The following TRPC3 variants were observed in gnomAD, a reference collection of about 807,000 sequenced individuals.
TRPC3 encodes the protein short transient receptor potential channel 3.
In TRPC3, 54 loss-of-function variants were observed where a neutral mutation model predicts 90.9. The observed-to-expected ratio is 0.59, with a 90% CI of 0.48 to 0.75. TRPC3 has a LOEUF of 0.75. Ranked by LOEUF, TRPC3 falls within the 30% of genes least tolerant of loss-of-function variation. The probability of loss-of-function intolerance (pLI) is 0.00; values close to 1 mark genes in which losing one functional copy is unlikely to be tolerated. For synonymous variants in TRPC3, 424 were observed against 450.9 expected, an observed-to-expected ratio of 0.94 and a Z score of 0.75; for missense variants, 918 against 1,194.5, an observed-to-expected ratio of 0.77 and a Z score of 3.41.
rs370186160 is a variant in TRPC3, at chr4:121,890,948, G to A, written c.2548-8519C>T. ...GGAGATTGCAGTGAGCCGAGATCAC[G>A]CCACTGCACTCCAGCCTGGGTGACA... On this transcript the variant is annotated intron_variant, in intron 10 of 11. Coordinates refer to ENST00000379645, the MANE Select transcript of TRPC3 (RefSeq NM_001130698.2). 9.7e-4 allele frequency among the ~76,000 whole-genome samples: 148 copies of A among 152,012 alleles called. 4 individuals carry two copies. The South Asian group carries it at 0.028, about 29-fold the overall frequency.
At chr4:121,920,486 T>C (rs1729463670) in intron 3 of TRPC3, among the ~76,000 whole-genome samples, 1 of 151,860 alleles carries the variant, frequency 6.6e-6, no homozygotes, top group Non-Finnish European at 1.5e-5. Context: ...ATCTCGCCAC[T>C]GCACTCAAGC....
In TRPC3 at chr4:121,902,931, C is replaced by A. The variant is rs201449154; in HGVS notation, c.2384G>T (p.Arg795Leu). ...SPKSFVYFIMRIVNFPKCRRR... is the reference protein window; with the variant it reads ...SPKSFVYFIMLIVNFPKCRRR... ...TCTGCATTTGGGAAAGTTAACAATT[C>A]GCATGATGAAATAAACAAATGATTT... Residue 795 changes from arginine to leucine, a missense_variant, in exon 9 of 12, where the codon CGA becomes CTA. Arg to Leu is a moderately radical substitution (Grantham distance 102, BLOSUM62 -2). Transcript: ENST00000379645. 1.9e-6 allele frequency: 3 copies of A among 1,613,430 alleles called. No individual in the cohort carries two copies. The highest frequency in any genetic ancestry group is 1.7e-6 in the Non-Finnish European group (2 of 1,179,738).
chr4:121,929,562 A>G (rs1019543769), intron 2 of TRPC3, among the ~76,000 whole-genome samples: 5 of 152,192 alleles, frequency 3.3e-5, no homozygotes, highest in Admixed American at 2.6e-4. Flanking sequence ...TTCAAACAGC[A>G]TTTGCACATC....
chr4:121,945,753 CAG>C (rs759744333), intron 1 of TRPC3, among the ~76,000 whole-genome samples: 2 of 152,142 alleles, frequency 1.3e-5, no homozygotes, highest in Admixed American at 6.5e-5. Context: ...GATACAGAAA[CAG>C]AAATGCTCTA....
At chr4:121,938,332 A>T (rs569510758) in intron 1 of TRPC3, among the ~76,000 whole-genome samples, 1 of 152,228 alleles carries the variant, frequency 6.6e-6, no homozygotes, top group South Asian at 2.1e-4. Flanking sequence ...CAGGCTGATT[A>T]TTCAGGTTTA....
chr4:121,900,550 C>G (rs948173868), intron 9 of TRPC3, among the ~76,000 whole-genome samples: 2 of 152,162 alleles, frequency 1.3e-5, no homozygotes, highest in Non-Finnish European at 2.9e-5. Context: ...CCTTAGCTAA[C>G]AAAGTTAATT....
intron 11 of TRPC3, among the ~76,000 whole-genome samples, chr4:121,881,226 T>C (rs929935073): frequency 6.6e-6 from 1 of 152,206 alleles, no homozygotes; most frequent in African/African-American, 2.4e-5. Flanking sequence ...GATTTTAGTT[T>C]CCTCATTAAT....
At chr4:121,918,675 T>C (rs761590353) in intron 3 of TRPC3, among the ~76,000 whole-genome samples, 2 of 152,226 alleles carry the variant, frequency 1.3e-5, no homozygotes, top group Non-Finnish European at 2.9e-5. Context: ...CCTATGCTTC[T>C]AATTCTACTC....
intron 9 of TRPC3, among the ~76,000 whole-genome samples, chr4:121,901,111 C>T: frequency 6.6e-6 from 1 of 152,178 alleles, no homozygotes. Context: ...TCAGTGAGAC[C>T]TGTTGCCTAC....
chr4:121,948,204 T>G (rs543016140), intron 1 of TRPC3, among the ~76,000 whole-genome samples: 1 of 151,850 alleles, frequency 6.6e-6, no homozygotes, highest in Admixed American at 6.6e-5. Context: ...AAAAGAGAAC[T>G]ATCTGAAAAA....
chr4:121,934,146 T>C (rs1343599095), intron 1 of TRPC3, among the ~76,000 whole-genome samples: 2 of 152,226 alleles, frequency 1.3e-5, no homozygotes, highest in South Asian at 4.1e-4. Flanking sequence ...GTACAGTGAT[T>C]TGAGTTCACA....
rs562568705 is a variant in TRPC3, at chr4:121,898,560, C to T, written c.2547+1052G>A. On this transcript the variant is annotated intron_variant, in intron 10 of 11. Transcript: ENST00000379645. ...GTGAAAAAATTGTCTTCCACAAAACCGGTCCCTGGTGCCAAAAAGGTTGGG... is the reference window on the plus strand; with the variant it reads ...GTGAAAAAATTGTCTTCCACAAAACTGGTCCCTGGTGCCAAAAAGGTTGGG... 9.0e-4 allele frequency among the ~76,000 whole-genome samples: 137 copies of T among 152,260 alleles called. 2 individuals are homozygous for T. Among genetic ancestry groups the T allele is most frequent in the Non-Finnish European group, 5.3e-4 (36 of 68,014 alleles).
At position 121,907,283 on chromosome 4, in the gene TRPC3, T is replaced by A. The variant is rs1044006116; in HGVS notation, c.2057+20A>T. The A allele has an allele frequency of 2.5e-6, 4 of 1,590,140 alleles. No homozygotes were observed. In the African/African-American group the frequency reaches 5.4e-5, roughly 22 times the overall value. ...AGAATTTCTCTTTATCATACCTGTA[T>A]AATAAGATATTTTACTTACGTGGTA... On this transcript the variant is annotated intron_variant, in intron 7 of 11. Transcript: ENST00000379645.
intron 10 of TRPC3, among the ~76,000 whole-genome samples, chr4:121,897,344 A>G (rs1247729907): frequency 1.3e-5 from 2 of 151,648 alleles, no homozygotes; most frequent in African/African-American, 4.8e-5. Flanking sequence ...ACAAAGGAAA[A>G]AACAACAGTG....
intron 10 of TRPC3, among the ~76,000 whole-genome samples, chr4:121,892,351 G>A (rs552323749): frequency 6.6e-6 from 1 of 152,286 alleles, no homozygotes; most frequent in Admixed American, 6.5e-5. Context: ...TTGCAGATAG[G>A]TGGTTTGTGC....
intron 10 of TRPC3, among the ~76,000 whole-genome samples, chr4:121,885,162 C>T (rs1728069716): frequency 6.6e-6 from 1 of 152,190 alleles, no homozygotes; most frequent in Non-Finnish European, 1.5e-5. Flanking sequence ...CATGACACTA[C>T]CTGGTAATAG....
intron 6 of TRPC3, 74 bp from the exon 7 acceptor site, chr4:121,907,641 A>T: frequency 6.8e-7 from 1 of 1,475,462 alleles, no homozygotes; most frequent in Admixed American, 2.2e-5. Flanking sequence ...AAATACCTTA[A>T]ATAGGATCTA....
At chr4:121,882,309 T>C (rs372697610) in intron 11 of TRPC3, 45 bp downstream of exon 11, 1 of 1,549,120 alleles carries the variant, frequency 6.5e-7, no homozygotes, top group African/African-American at 1.4e-5. Context: ...TCCAGGTTCA[T>C]TAAGTTAGCT....
At chr4:121,899,506 G>T in intron 10 of TRPC3, 106 bp downstream of exon 10, 1 of 872,372 alleles carries the variant, frequency 1.1e-6, no homozygotes, top group Non-Finnish European at 1.8e-6. Context: ...ATGGTATAAT[G>T]GTATATCTCA....
Sources: gnomAD v4.1 joint callset for allele counts (sites outside exome capture counted in the v4.1 genomes callset) on GRCh38, gnomAD v4.1.1 for gene constraint, MANE v1.5 for transcripts, NCBI Gene and HGNC (gene_info 2026-07-23, HGNC 2026-07-21) for gene names.